Variants in AP3D1 observed in about 807,000 individuals in gnomAD.
AP3D1 encodes the protein adaptor related protein complex 3 subunit delta 1.
AP3D1 carries 51 observed loss-of-function variants against 147.6 expected under a neutral mutation model. The ratio of observed to expected loss-of-function variants is 0.35; its 90% CI spans 0.28 to 0.44. The LOEUF (loss-of-function observed/expected upper bound fraction) is 0.44. AP3D1 is among the 20% of genes least tolerant of loss of function. The pLI is 1.00. For synonymous variants in AP3D1, 760 were observed against 663.0 expected (o/e 1.15, Z -2.25); for missense variants, 1,421 against 1,624.2 (o/e 0.87, Z 2.15).
chr19:2,116,931 A>G (rs1381926770), intron 16 of AP3D1, 185 bp from the exon 17 acceptor site: 1 of 917,498 alleles, frequency 1.1e-6, no homozygotes, highest in Non-Finnish European at 1.6e-6. Context: ...ACCCAGGAAG[A>G]CTGCGGCAGG....
At chr19:2,104,602 C>G (rs962914846) in intron 31 of AP3D1, among the ~76,000 whole-genome samples, 3 of 151,716 alleles carry the variant, frequency 2.0e-5, no homozygotes, top group African/African-American at 7.3e-5. Context: ...CCCCAACGTG[C>G]AGACCCCAAC....
intron 1 of AP3D1, among the ~76,000 whole-genome samples, chr19:2,140,784 G>A (rs1465908206): frequency 1.4e-5 from 2 of 143,494 alleles, no homozygotes; most frequent in East Asian, 2.0e-4. Context: ...TTTTGAGACG[G>A]AGTCTCGCTC....
intron 9 of AP3D1, among the ~76,000 whole-genome samples, chr19:2,126,790 C>T (rs1043515602): frequency 6.6e-6 from 1 of 152,042 alleles, no homozygotes; most frequent in Non-Finnish European, 1.5e-5. Context: ...ACTGTGAGAG[C>T]GGATGGCAGG....
chr19:2,116,135 G>T, intron 18 of AP3D1, 72 bp downstream of exon 18: 1 of 1,492,016 alleles, frequency 6.7e-7, no homozygotes, highest in Non-Finnish European at 9.3e-7. Flanking sequence ...CCGAAACTCA[G>T]ATGGATGCCG....
intron 31 of AP3D1, among the ~76,000 whole-genome samples, chr19:2,105,219 G>T (rs2018077210): frequency 6.6e-6 from 1 of 152,224 alleles, no homozygotes; most frequent in Non-Finnish European, 1.5e-5. Context: ...GCCCAGGCTG[G>T]GGAGGTGTTG....
At chr19:2,121,592 G>A (rs1050307162) in intron 12 of AP3D1, 142 bp downstream of exon 12, 8 of 1,221,636 alleles carry the variant, frequency 6.5e-6, no homozygotes, top group South Asian at 3.1e-5. Flanking sequence ...CAGGACTGGC[G>A]CCCCTCTGCC....
intron 4 of AP3D1, among the ~76,000 whole-genome samples, chr19:2,133,981 A>G (rs1568299587): frequency 6.6e-6 from 1 of 151,910 alleles, no homozygotes; most frequent in Non-Finnish European, 1.5e-5. Flanking sequence ...GGTGGTGCAC[A>G]CTTGTAGTTC....
rs931086055 is a variant in AP3D1 at position 2,136,893 on chromosome 19, C to T, written c.354+118G>A. 5.0e-5 allele frequency: 47 copies of T among 944,854 alleles called. No individual in the cohort carries two copies. The South Asian group carries it at 5.0e-4, about 10-fold the overall frequency. The allele number at this position is 944,854 out of a possible 1,614,324, so 58.5% of individuals were successfully genotyped here. The stretch of plus-strand genomic sequence containing the variant: ...GGACTGTGGCTCCGGAAGCCCCGCT[C>T]GCACTCAAGGGGGCCACAGGCACCT... On this transcript the variant is annotated intron_variant, in intron 4 of 31. Transcript: ENST00000643116.
upstream of AP3D1, among the ~76,000 whole-genome samples, chr19:2,156,308 C>A (rs547153030): frequency 2.0e-5 from 3 of 152,222 alleles, no homozygotes; most frequent in East Asian, 5.8e-4. Context: ...CCCAAATTAT[C>A]CATCCTTTCA....
At chr19:2,117,053 C>T in intron 16 of AP3D1, 169 bp downstream of exon 16, 1 of 913,638 alleles carries the variant, frequency 1.1e-6, no homozygotes, top group South Asian at 2.0e-5. Context: ...GATCCCAGAA[C>T]CAGTGAGAGA....
chr19:2,146,360 T>A (rs1449169016), intron 1 of AP3D1, among the ~76,000 whole-genome samples: 1 of 152,180 alleles, frequency 6.6e-6, no homozygotes, highest in African/African-American at 2.4e-5. Context: ...TCCCAGCACT[T>A]TGGGAGGCCA....
intron 4 of AP3D1, among the ~76,000 whole-genome samples, chr19:2,133,753 T>C (rs1178053933): frequency 6.6e-6 from 1 of 151,168 alleles, no homozygotes; most frequent in Non-Finnish European, 1.5e-5. Context: ...CCGCCCGCCA[T>C]GGCCTCCCAA....
At chr19:2,111,144 C>T (rs1568276956) in intron 26 of AP3D1, 141 bp downstream of exon 26, 3 of 1,149,652 alleles carry the variant, frequency 2.6e-6, no homozygotes, top group Non-Finnish European at 3.7e-6. Flanking sequence ...GAGGTGCTGC[C>T]CAAGCAACGC....
chr19:2,135,081 C>T (rs1228278499), intron 4 of AP3D1, among the ~76,000 whole-genome samples: 1 of 151,656 alleles, frequency 6.6e-6, no homozygotes, highest in Non-Finnish European at 1.5e-5. Flanking sequence ...CATGCGTGTA[C>T]TCCCAGCTAC....
intron 31 of AP3D1, among the ~76,000 whole-genome samples, chr19:2,103,233 G>A (rs1437232821): frequency 6.6e-6 from 1 of 152,056 alleles, no homozygotes; most frequent in African/African-American, 2.4e-5. Context: ...AAAAAAAAAT[G>A]GGAAGGGCTC....
At chr19:2,107,696 C>T (rs189932300) in intron 31 of AP3D1, among the ~76,000 whole-genome samples, 5,912 of 150,258 alleles carry the variant, frequency 0.039, 313 homozygotes, top group African/African-American at 0.12. Flanking sequence ...GCTGAGACTG[C>T]ACCACTGCAC....
In AP3D1 at chr19:2,117,286, G is replaced by C; in HGVS notation, c.1795C>G (p.Leu599Val). 6.2e-7 allele frequency: 1 copy of C among 1,612,938 alleles called. No homozygotes were observed. The highest frequency in any genetic ancestry group is 8.5e-7 in the Non-Finnish European group (1 of 1,179,762). The change falls in exon 16 of 32, where the codon CTC (leucine) becomes GTC (valine). Residue 599 changes from leucine to valine, a missense_variant. Around this residue, in one of 6 missense-constraint regions of AP3D1, gnomAD observed 310 missense variants for 388.1 expected, o/e 0.80. Transcript: ENST00000643116. ...DVPVAEEVSA[L>V]FAGELNPVAP... ...ACTGGGTTCAGCTCCCCAGCAAAGA[G>C]AGCGCTGACCTCCTCTGCCACAGGC...
At chr19:2,127,092 ACCTGAGACC>A in intron 9 of AP3D1, 51 bp downstream of exon 9, 1 of 1,585,040 alleles carries the variant, frequency 6.3e-7, no homozygotes, top group Non-Finnish European at 8.7e-7. Flanking sequence ...TCCTGTCCCC[ACCTGAGACC>A]CCAGCCTGGC....
In AP3D1 at chr19:2,110,129, T is replaced by C. The variant is rs1408092478; in HGVS notation, c.3264+7A>G. 3 of 1,612,700 alleles carry C rather than the reference T, an allele frequency of 1.9e-6. No homozygotes were observed. The highest frequency in any genetic ancestry group is 2.2e-5 in the East Asian group (1 of 44,848). ...GGCTCTTCAACGCCAAGTGGAGCCCTGCATACCTTGGCAATGAAGGACAGG... is the reference window on the plus strand; with the variant it reads ...GGCTCTTCAACGCCAAGTGGAGCCCCGCATACCTTGGCAATGAAGGACAGG... On this transcript the variant is annotated splice_region_variant and intron_variant, in intron 28 of 31. Coordinates refer to ENST00000643116, the MANE Select transcript of AP3D1 (RefSeq NM_001261826.3).
Sources: gnomAD v4.1 joint callset for allele counts (sites outside exome capture counted in the v4.1 genomes callset) on GRCh38, gnomAD v4.1.1 for gene constraint, gnomAD v4.1.1 regional missense constraint, MANE v1.5 for transcripts, NCBI Gene and HGNC (gene_info 2026-07-23, HGNC 2026-07-21) for gene names.